Variants in XKR3 observed in about 807,000 individuals in gnomAD.
XKR3 encodes the protein XK related 3.
In XKR3, 27 loss-of-function variants were observed where a neutral mutation model predicts 40.3. That is an observed-to-expected ratio of 0.67 (90% CI 0.49 to 0.92). The LOEUF is 0.92. Among genes scored for constraint, XKR3 ranks in the 40% least tolerant of loss-of-function variants. The pLI, the probability that XKR3 is intolerant of heterozygous loss-of-function variation, is 0.00. For synonymous variants in XKR3, 193 were observed against 195.4 expected (o/e 0.99, Z 0.10); for missense variants, 472 against 537.6 (o/e 0.88, Z 1.21).
At chr22:16,824,669 T>A (rs2060267452) in intron 1 of XKR3, among the ~76,000 whole-genome samples, 2 of 152,184 alleles carry the variant, frequency 1.3e-5, no homozygotes, top group South Asian at 2.1e-4. Flanking sequence ...AAGAAATATA[T>A]CCCACTCTCT....
chr22:16,805,619 C>G (rs996491263), intron 2 of XKR3, among the ~76,000 whole-genome samples: 3 of 152,062 alleles, frequency 2.0e-5, no homozygotes, highest in African/African-American at 7.2e-5. Flanking sequence ...GCAAAGGACT[C>G]CACACAGCCA....
At chr22:16,797,771 C>T (rs796691974) in intron 3 of XKR3, among the ~76,000 whole-genome samples, 8 of 137,050 alleles carry the variant, frequency 5.8e-5, no homozygotes, top group African/African-American at 1.6e-4. Flanking sequence ...CCAGCCTGGG[C>T]GACAGAGTGA....
intron 3 of XKR3, among the ~76,000 whole-genome samples, chr22:16,794,005 A>G (rs1289172270): frequency 1.3e-5 from 2 of 152,244 alleles, no homozygotes; most frequent in Non-Finnish European, 2.9e-5. Flanking sequence ...TGAAGCAAAA[A>G]TAATTCAAAA....
intron 3 of XKR3, among the ~76,000 whole-genome samples, chr22:16,796,888 C>G (rs1297582815): frequency 2.6e-5 from 4 of 152,112 alleles, no homozygotes; most frequent in Non-Finnish European, 5.9e-5. Flanking sequence ...AAATAACAAA[C>G]CCAGTGATGT....
At position 16,783,524 on chromosome 22, in the gene XKR3, G is replaced by A. The variant is rs1228411996; in HGVS notation, c.*95C>T. 9.8e-7 allele frequency: 1 copy of A among 1,015,286 alleles called. No homozygotes were observed. The highest frequency in any genetic ancestry group is 1.4e-6 in the Non-Finnish European group (1 of 738,668). The allele number at this position is 1,015,286 out of a possible 1,614,324, so 62.9% of individuals were successfully genotyped here. A position where few individuals can be genotyped will look rare whatever the true frequency, so the allele number is the denominator to read the frequency against. ...GAATTTTATTAGAAACCACTTCCAA[G>A]ATTTTGCTGTGTATATTTTTTAAAT... On this transcript the variant is annotated 3_prime_UTR_variant, in exon 4 of 4. Coordinates refer to ENST00000684488, the MANE Select transcript of XKR3 (RefSeq NM_001386955.1).
chr22:16,807,503 GA>G (rs1344695686), intron 2 of XKR3, among the ~76,000 whole-genome samples: 2 of 152,130 alleles, frequency 1.3e-5, no homozygotes, highest in Non-Finnish European at 2.9e-5. Flanking sequence ...CACATACATA[GA>G]AAGAAGAAAT....
intron 3 of XKR3, among the ~76,000 whole-genome samples, chr22:16,795,412 T>C (rs1475060578): frequency 6.6e-6 from 1 of 152,116 alleles, no homozygotes; most frequent in African/African-American, 2.4e-5. Context: ...GCAGAGTTAA[T>C]TGGAAAGTTT....
chr22:16,811,805 G>A (rs903786026), intron 1 of XKR3, among the ~76,000 whole-genome samples: 2 of 152,042 alleles, frequency 1.3e-5, no homozygotes, highest in African/African-American at 4.8e-5. Context: ...TCAGGAGATG[G>A]AGACCATCCT....
rs750668264 is a variant in XKR3 at position 16,786,256 on chromosome 22, G to GCACACACACACACACACACA, written c.590-1848_590-1847insTGTGTGTGTGTGTGTGTGTG. On this transcript the variant is annotated intron_variant, in intron 3 of 3. Transcript: ENST00000684488. ...GAAAACCTGTATCTACAAAACGCGT[G>GCACACACACACACACACACA]CACACACACACACACACAAATACAC... is the stretch of plus-strand genomic sequence containing the variant. 3.9e-3 allele frequency among the ~76,000 whole-genome samples: 578 copies of GCACACACACACACACACACA among 148,690 alleles called. 4 individuals are homozygous for GCACACACACACACACACACA. Among genetic ancestry groups the GCACACACACACACACACACA allele is most frequent in the African/African-American group, 0.01 (412 of 40,188 alleles).
intron 3 of XKR3, among the ~76,000 whole-genome samples, chr22:16,788,645 C>T (rs1386789467): frequency 6.6e-6 from 1 of 152,004 alleles, no homozygotes; most frequent in South Asian, 2.1e-4. Context: ...TTCTGTGGGG[C>T]CAGCAATATG....
intron 1 of XKR3, among the ~76,000 whole-genome samples, chr22:16,820,180 C>G (rs1264222508): frequency 1.3e-5 from 2 of 152,144 alleles, no homozygotes; most frequent in Non-Finnish European, 2.9e-5. Context: ...GAAAATAAAA[C>G]TTACGCAAAA....
intron 3 of XKR3, among the ~76,000 whole-genome samples, chr22:16,797,774 C>T (rs551710848): frequency 2.4e-4 from 30 of 127,114 alleles, no homozygotes; most frequent in Non-Finnish European, 4.5e-4. Flanking sequence ...GCCTGGGCGA[C>T]AGAGTGAGAC....
chr22:16,787,459 C>T (rs1312825399), intron 3 of XKR3, among the ~76,000 whole-genome samples: 3 of 151,636 alleles, frequency 2.0e-5, no homozygotes, highest in African/African-American at 7.3e-5. Flanking sequence ...ACTCAAGAGG[C>T]TGAGGCAGGA....
At chr22:16,797,991 T>C (rs2060149679) in intron 3 of XKR3, among the ~76,000 whole-genome samples, 1 of 151,494 alleles carries the variant, frequency 6.6e-6, no homozygotes, top group East Asian at 2.0e-4. Flanking sequence ...CTGGCCAATA[T>C]AGCAAAACCT....
At chr22:16,799,654 T>A (rs1288203801) in intron 3 of XKR3, 117 bp downstream of exon 3, 2 of 1,219,504 alleles carry the variant, frequency 1.6e-6, no homozygotes, top group Admixed American at 5.0e-5. Context: ...CTCAATCTTA[T>A]AAAAAATTTA....
chr22:16,802,202 T>C (rs897983918), intron 2 of XKR3, among the ~76,000 whole-genome samples: 2 of 152,210 alleles, frequency 1.3e-5, no homozygotes, highest in African/African-American at 4.8e-5. Flanking sequence ...ACCCTTTAGA[T>C]ACTTTTGACC....
intron 3 of XKR3, among the ~76,000 whole-genome samples, chr22:16,786,760 G>T (rs1283904206): frequency 1.3e-5 from 2 of 152,080 alleles, no homozygotes; most frequent in Non-Finnish European, 2.9e-5. Context: ...TCTCTGGACA[G>T]GCTTACTGTA....
chr22:16,805,272 T>C (rs1282752344), intron 2 of XKR3, among the ~76,000 whole-genome samples: 6 of 152,240 alleles, frequency 3.9e-5, no homozygotes, highest in Non-Finnish European at 7.3e-5. Context: ...AAATGATTTG[T>C]ATTTCTACAT....
At chr22:16,825,130 C>G (rs2060268443) in intron 1 of XKR3, among the ~76,000 whole-genome samples, 161 bp downstream of exon 1, 1 of 152,148 alleles carries the variant, frequency 6.6e-6, no homozygotes, top group Non-Finnish European at 1.5e-5. Context: ...CTTCTCTTCT[C>G]TGAAAATCAG....
Sources: gnomAD v4.1 joint callset for allele counts (sites outside exome capture counted in the v4.1 genomes callset) on GRCh38, gnomAD v4.1.1 for gene constraint, MANE v1.5 for transcripts, NCBI Gene and HGNC (gene_info 2026-07-23, HGNC 2026-07-21) for gene names.